HELZ: variants seen among roughly 807,000 people sequenced by gnomAD.
HELZ encodes helicase with zinc finger.
A neutral mutation model predicts 218.2 loss-of-function variants in HELZ; 23 were observed. The ratio of observed to expected loss-of-function variants is 0.11; its 90% CI spans 0.08 to 0.15. The LOEUF is 0.15. Ranked by LOEUF, HELZ falls within the 10% of genes least tolerant of loss-of-function variation. The probability of loss-of-function intolerance (pLI) is 1.00; values close to 1 mark genes in which losing one functional copy is unlikely to be tolerated. For synonymous variants in HELZ, 814 were observed against 829.4 expected (o/e 0.98, Z 0.32); for missense variants, 1,813 against 2,353.7 (o/e 0.77, Z 4.75).
At chr17:67,100,502 C>T (rs2036891607) in intron 31 of HELZ, among the ~76,000 whole-genome samples, 1 of 152,070 alleles carries the variant, frequency 6.6e-6, no homozygotes, top group South Asian at 2.1e-4. Flanking sequence ...ACAAAGATGC[C>T]TTCAAAAAGG....
intron 2 of HELZ, 129 bp downstream of exon 2, chr17:67,243,655 C>T (rs1340563507): frequency 1.3e-5 from 2 of 152,128 alleles, no homozygotes; most frequent in African/African-American, 4.8e-5. Flanking sequence ...GCCCATAGAC[C>T]CACTGACTGA....
intron 12 of HELZ, chr17:67,179,737 C>T (rs1940628788): frequency 6.6e-6 from 1 of 151,660 alleles, no homozygotes; most frequent in Admixed American, 6.6e-5. Context: ...AAAAAGAAAA[C>T]TTAACCAAAA....
chr17:67,150,031 C>A, intron 18 of HELZ, 46 bp from the exon 19 acceptor site: 2 of 1,121,794 alleles, frequency 1.8e-6, no homozygotes, highest in Non-Finnish European at 2.6e-6. Context: ...AGAGCAGCAA[C>A]AAAGGCAGAA....
intron 4 of HELZ, among the ~76,000 whole-genome samples, chr17:67,216,482 TA>T (rs1314802169): frequency 6.6e-6 from 1 of 152,206 alleles, no homozygotes; most frequent in Non-Finnish European, 1.5e-5. Context: ...TTCTCCCATC[TA>T]AAAAAATATT....
chr17:67,218,962 G>C (rs886074447), intron 3 of HELZ, 140 bp from the exon 4 acceptor site: 3 of 612,572 alleles, frequency 4.9e-6, no homozygotes, highest in Non-Finnish European at 8.6e-6. Context: ...CAGCTAAGCA[G>C]CAGCTATTGA....
At chr17:67,085,384 T>A (rs1432021363) in intron 32 of HELZ, among the ~76,000 whole-genome samples, 1 of 152,154 alleles carries the variant, frequency 6.6e-6, no homozygotes, top group Non-Finnish European at 1.5e-5. Flanking sequence ...ATTGCACTAC[T>A]GCACTCCAGT....
chr17:67,078,010 A>C lies in HELZ; in HGVS notation c.*242T>G, dbSNP rs117083687. ...GATGCAAACATATGTAACAATACAC[A>C]AATTTAAAAATTTTTTTATTCTACA... On this transcript the variant is annotated 3_prime_UTR_variant, in exon 33 of 33. Coordinates refer to ENST00000358691, the MANE Select transcript of HELZ (RefSeq NM_014877.4). 815 of 329,344 alleles carry C rather than the reference A, an allele frequency of 2.5e-3. 11 individuals carry two copies. The East Asian group carries it at 0.027, about 11-fold the overall frequency. The allele number at this position is 329,344 out of a possible 1,614,324, so 20.4% of individuals were successfully genotyped here. A position where few individuals can be genotyped will look rare whatever the true frequency, so the allele number is the denominator to read the frequency against.
chr17:67,184,153 G>A lies in HELZ; in HGVS notation c.1162+4166C>T, dbSNP rs1403902460. On this transcript the variant is annotated intron_variant, in intron 12 of 32. Transcript: ENST00000358691. ...ATATAACTTGATTTTAAGTTTCAAT[G>A]AGTAACACACTAACATAACTAAGTT... 3.9e-5 allele frequency among the ~76,000 whole-genome samples: 6 copies of A among 152,082 alleles called. No homozygotes were observed. In the East Asian group the frequency reaches 1.2e-3, roughly 29 times the overall value.
At chr17:67,121,898 T>C (rs2037621374) in intron 26 of HELZ, among the ~76,000 whole-genome samples, 1 of 152,230 alleles carries the variant, frequency 6.6e-6, no homozygotes, top group African/African-American at 2.4e-5. Context: ...CCTGTATTTC[T>C]TGGGAACAGT....
rs745477812 is a variant in HELZ, at chr17:67,078,453, C to A, written c.5628G>T (p.Ala1876=). 1.3e-6 allele frequency: 2 copies of A among 1,592,740 alleles called. No individual in the cohort carries two copies. Among genetic ancestry groups the A allele is most frequent in the Non-Finnish European group, 1.7e-6 (2 of 1,171,830 alleles). The change falls in exon 33 of 33, where the codon GCG becomes GCT. Residue 1876 remains alanine, a synonymous_variant. Transcript: ENST00000358691. ...FPPLMPNKQI[A]ESANSSSPQS... ...GGGGGCTACTGCTATTGGCCGACTC[C>A]GCGATCTGCTTGTTAGGCATAAGGG...
Position 67,089,647 on chromosome 17 carries a change from T to TTATATATATATATA in HELZ, c.5242-2580_5242-2567dup, listed in dbSNP as rs371659847. Among the ~76,000 whole-genome samples, 313 of 53,790 alleles carry TTATATATATATATA rather than the reference T, an allele frequency of 5.8e-3. 6 individuals carry two copies. Among genetic ancestry groups the TTATATATATATATA allele is most frequent in the East Asian group, 0.034 (17 of 500 alleles). 35.3% of individuals were successfully genotyped at this position (53,790 alleles called of 152,430 possible). On this transcript the variant is annotated intron_variant, in intron 31 of 32. Coordinates refer to ENST00000358691, the MANE Select transcript of HELZ (RefSeq NM_014877.4). ...TTTAAAATTAGATCTATTGGAGATTTTATATATATATATATATATATAGAG... is the reference window on the plus strand; with the variant it reads ...TTTAAAATTAGATCTATTGGAGATTTTATATATATATATATATATATATATATATATATATAGAG...
At chr17:67,173,666 ACTGAGGTGTCAC>A in intron 13 of HELZ, among the ~76,000 whole-genome samples, 1 of 152,380 alleles carries the variant, frequency 6.6e-6, no homozygotes. Flanking sequence ...GAGCGACAGA[ACTGAGGTGTCAC>A]CAATAGAAGC....
chr17:67,198,461 G>A (rs2040087328), intron 7 of HELZ, among the ~76,000 whole-genome samples: 1 of 152,052 alleles, frequency 6.6e-6, no homozygotes, highest in Non-Finnish European at 1.5e-5. Context: ...TGTTGTGTTT[G>A]TTTTTTAAAC....
At chr17:67,124,913 G>A (rs780538617) in intron 24 of HELZ, among the ~76,000 whole-genome samples, 3 of 151,816 alleles carry the variant, frequency 2.0e-5, no homozygotes, top group East Asian at 1.9e-4. Flanking sequence ...AAAGTAACAC[G>A]TATCAAGCCA....
chr17:67,153,292 C>A (rs748954577), intron 17 of HELZ, among the ~76,000 whole-genome samples: 1 of 152,020 alleles, frequency 6.6e-6, no homozygotes, highest in Non-Finnish European at 1.5e-5. Context: ...AGAGCTCGTT[C>A]ACAAGAGGAG....
At chr17:67,096,609 C>T (rs573513961) in intron 31 of HELZ, among the ~76,000 whole-genome samples, 1 of 152,314 alleles carries the variant, frequency 6.6e-6, no homozygotes, top group South Asian at 2.1e-4. Context: ...GGCTTCTTTC[C>T]TTAAACCTCA....
At chr17:67,080,592 T>C (rs1373269728) in intron 32 of HELZ, among the ~76,000 whole-genome samples, 1 of 152,216 alleles carries the variant, frequency 6.6e-6, no homozygotes, top group Non-Finnish European at 1.5e-5. Context: ...TAAATATTTA[T>C]TGGGCACTTA....
chr17:67,243,977 T>C lies in HELZ; in HGVS notation c.-131-138A>G, dbSNP rs926648708. On this transcript the variant is annotated intron_variant, in intron 1 of 32. Coordinates refer to ENST00000358691, the MANE Select transcript of HELZ (RefSeq NM_014877.4). ...TACAAAAATGGTACAGTGTGCAGCT[T>C]TGCAAATGAGTCTGGTTTTTGACCT... The C allele has an allele frequency of 9.1e-6, 9 of 985,186 alleles. No individual in the cohort carries two copies. In the African/African-American group the frequency reaches 1.4e-4, roughly 15 times the overall value. 61.0% of individuals were successfully genotyped at this position (985,186 alleles called of 1,614,324 possible).
intron 13 of HELZ, among the ~76,000 whole-genome samples, chr17:67,177,515 T>C (rs2039494588): frequency 6.6e-6 from 1 of 152,010 alleles, no homozygotes; most frequent in African/African-American, 2.4e-5. Flanking sequence ...GCTTTTAAAT[T>C]ATATTTAATC....
Sources: allele counts gnomAD v4.1 joint callset (sites outside exome capture counted in the v4.1 genomes callset), GRCh38; gene constraint gnomAD v4.1.1; transcripts MANE v1.5; gene names NCBI Gene and HGNC (gene_info 2026-07-23, HGNC 2026-07-21).